Variants in FAM241A observed in about 807,000 individuals in gnomAD.
FAM241A encodes the protein family with sequence similarity 241 member A.
FAM241A carries 7 observed loss-of-function variants against 12.2 expected under a neutral mutation model. That is an observed-to-expected ratio of 0.58 (90% CI 0.33 to 1.08). FAM241A has a LOEUF of 1.08. Ranked by LOEUF, FAM241A falls within the 50% of genes least tolerant of loss-of-function variation. The pLI, the probability that FAM241A is intolerant of heterozygous loss-of-function variation, is 0.04. For missense variants in FAM241A, 161 were observed against 169.7 expected, an observed-to-expected ratio of 0.95 and a Z score of 0.29; for synonymous variants, 74 against 68.2, an observed-to-expected ratio of 1.08 and a Z score of -0.42.
chr4:112,171,921 G>A (rs1723730990), intron 1 of FAM241A, among the ~76,000 whole-genome samples: 1 of 152,082 alleles, frequency 6.6e-6, no homozygotes, highest in Admixed American at 6.6e-5. Context: ...TATTATTTTT[G>A]CTGATGTAAG....
chr4:112,163,899 T>C (rs1245083618), intron 1 of FAM241A, among the ~76,000 whole-genome samples: 2 of 152,112 alleles, frequency 1.3e-5, no homozygotes, highest in Non-Finnish European at 2.9e-5. Flanking sequence ...ATTAAGAAAA[T>C]GTGGCACATG....
chr4:112,171,970 T>G (rs905354595), intron 1 of FAM241A, among the ~76,000 whole-genome samples: 3 of 152,230 alleles, frequency 2.0e-5, no homozygotes, highest in Non-Finnish European at 2.9e-5. Context: ...TTTTAAAAAC[T>G]GATACATTGA....
intron 1 of FAM241A, among the ~76,000 whole-genome samples, chr4:112,162,397 A>T (rs191669827): frequency 6.6e-6 from 1 of 152,232 alleles, no homozygotes; most frequent in African/African-American, 2.4e-5. Context: ...GCATGATTAT[A>T]TATTTAGAAA....
rs1339398759 is a variant in FAM241A at position 112,193,712 on chromosome 4, T to A, written c.*6774T>A. ...TTTGTGTTCCATTGATCTATATCTC[T>A]GTTTTGGTACCAGTACCATGCTGTT... On this transcript the variant is annotated 3_prime_UTR_variant, in exon 2 of 2. Coordinates refer to ENST00000309733, the MANE Select transcript of FAM241A (RefSeq NM_152400.3). The A allele has an allele frequency of 6.6e-6, 1 of 152,240 alleles. No individual in the cohort carries two copies. Among genetic ancestry groups the A allele is most frequent in the South Asian group, 2.1e-4 (1 of 4,838 alleles). The allele number at this position is 152,240 out of a possible 1,614,324, so 9.4% of individuals were successfully genotyped here.
chr4:112,179,931 A>ATATATATATATATATATG (rs1723897149), intron 1 of FAM241A, among the ~76,000 whole-genome samples: 1 of 127,734 alleles, frequency 7.8e-6, no homozygotes, highest in South Asian at 2.3e-4. Flanking sequence ...ATATATATAT[A>ATATATATATATATATATG]TATATATGTA....
intron 1 of FAM241A, among the ~76,000 whole-genome samples, chr4:112,179,853 C>T (rs371658870): frequency 6.8e-5 from 10 of 146,020 alleles, no homozygotes; most frequent in East Asian, 2.0e-4. Flanking sequence ...GTGCTATTCT[C>T]AATAGCAAAG....
At chr4:112,147,164 T>C (rs1443710852) in intron 1 of FAM241A, among the ~76,000 whole-genome samples, 1 of 152,232 alleles carries the variant, frequency 6.6e-6, no homozygotes. Flanking sequence ...AGTTGTGGTC[T>C]TTCCAAAATT....
chr4:112,177,668 A>G (rs1723849723), intron 1 of FAM241A, among the ~76,000 whole-genome samples: 1 of 152,180 alleles, frequency 6.6e-6, no homozygotes, highest in African/African-American at 2.4e-5. Flanking sequence ...TACCATTAAT[A>G]GCACTACCAC....
rs534143699 is a variant in FAM241A, at chr4:112,172,090, A to T, written c.154-14603A>T. 5.9e-5 allele frequency among the ~76,000 whole-genome samples: 9 copies of T among 152,336 alleles called. No individual in the cohort carries two copies. In the South Asian group the frequency reaches 1.7e-3, roughly 28 times the overall value. On this transcript the variant is annotated intron_variant, in intron 1 of 1. Transcript: ENST00000309733. ...AGCCAGATTGCCTGAATGTGTCTAG[A>T]TTCCACCAATTACTAAGGGATCTTG...
intron 1 of FAM241A, among the ~76,000 whole-genome samples, chr4:112,167,880 G>A (rs1315633293): frequency 6.6e-6 from 1 of 152,160 alleles, no homozygotes; most frequent in Non-Finnish European, 1.5e-5. Flanking sequence ...CTGAGTTAGA[G>A]CTTAATAATC....
At chr4:112,177,988 C>A (rs1351079026) in intron 1 of FAM241A, among the ~76,000 whole-genome samples, 1 of 151,958 alleles carries the variant, frequency 6.6e-6, no homozygotes, top group Non-Finnish European at 1.5e-5. Context: ...TTCCATTGTT[C>A]CTTCAGCAAA....
intron 1 of FAM241A, among the ~76,000 whole-genome samples, chr4:112,176,727 C>T (rs750477381): frequency 1.3e-5 from 2 of 152,104 alleles, no homozygotes; most frequent in Non-Finnish European, 2.9e-5. Flanking sequence ...TTATGTATGT[C>T]TTTAATCATG....
In FAM241A at chr4:112,189,547, G is replaced by C. The variant is rs1191586767; in HGVS notation, c.*2609G>C. The C allele has an allele frequency of 2.6e-5, 4 of 152,024 alleles. No homozygotes were observed. Among genetic ancestry groups the C allele is most frequent in the African/African-American group, 9.7e-5 (4 of 41,380 alleles). The allele number at this position is 152,024 out of a possible 1,614,324, so 9.4% of individuals were successfully genotyped here. On this transcript the variant is annotated 3_prime_UTR_variant, in exon 2 of 2. Transcript: ENST00000309733. ...GCCAGTAATTCAAAAGAAAAAGGTC[G>C]AAGTCTACAAATAAACAGACTGTAG...
chr4:112,162,548 C>A (rs910149453), intron 1 of FAM241A, among the ~76,000 whole-genome samples: 2 of 152,184 alleles, frequency 1.3e-5, no homozygotes, highest in Non-Finnish European at 2.9e-5. Context: ...CGTGAGTGAA[C>A]TCCCATTCAC....
chr4:112,174,381 C>T (rs566332079), intron 1 of FAM241A, among the ~76,000 whole-genome samples: 9 of 152,284 alleles, frequency 5.9e-5, no homozygotes, highest in South Asian at 2.1e-4. Flanking sequence ...TGGCTGGGCA[C>T]GGTGACTCAC....
intron 1 of FAM241A, among the ~76,000 whole-genome samples, chr4:112,179,943 A>ATATATATATATATATATATATG (rs1553921438): frequency 1.9e-4 from 25 of 129,466 alleles, no homozygotes; most frequent in East Asian, 4.9e-4. Flanking sequence ...ATATATGTAT[A>ATATATATATATATATATATATG]TGTGTGTGTG....
chr4:112,165,926 C>T (rs1398592635), intron 1 of FAM241A, among the ~76,000 whole-genome samples: 1 of 151,792 alleles, frequency 6.6e-6, no homozygotes, highest in African/African-American at 2.4e-5. Context: ...GTTTGTAACA[C>T]AAAAGTAAAT....
chr4:112,180,028 AAAC>A (rs1723902344), intron 1 of FAM241A, among the ~76,000 whole-genome samples: 1 of 150,992 alleles, frequency 6.6e-6, no homozygotes, highest in Non-Finnish European at 1.5e-5. Context: ...CCTAAAAAAA[AAAC>A]AGTCATATCC....
intron 1 of FAM241A, among the ~76,000 whole-genome samples, chr4:112,158,097 T>C (rs1723389722): frequency 6.6e-6 from 1 of 152,040 alleles, no homozygotes; most frequent in African/African-American, 2.4e-5. Context: ...TTGTCCTTCA[T>C]TATTTATTTT....
Sources: allele counts gnomAD v4.1 joint callset (sites outside exome capture counted in the v4.1 genomes callset), GRCh38; gene constraint gnomAD v4.1.1; transcripts MANE v1.5; gene names NCBI Gene and HGNC (gene_info 2026-07-23, HGNC 2026-07-21).